The following SPAG16 variants were observed in gnomAD, a reference collection of about 807,000 sequenced individuals.
The protein encoded by SPAG16 is sperm-associated antigen 16 protein.
In SPAG16, 86 loss-of-function variants were observed where a neutral mutation model predicts 80.4. That is an observed-to-expected ratio of 1.07 (90% confidence interval 0.90 to 1.28). SPAG16 has a LOEUF of 1.28. Among genes scored for constraint, SPAG16 ranks in the 50% most tolerant of loss-of-function variants. The pLI is 0.00. For missense variants in SPAG16, 870 were observed against 765.3 expected, an observed-to-expected ratio of 1.14 and a Z score of -1.61; for synonymous variants, 294 against 265.9, an observed-to-expected ratio of 1.11 and a Z score of -1.03.
At chr2:213,769,966 G>A (rs1323845007) in intron 10 of SPAG16, among the ~76,000 whole-genome samples, 2 of 152,120 alleles carry the variant, frequency 1.3e-5, no homozygotes, top group African/African-American at 2.4e-5. Context: ...TAATTTTGCA[G>A]GTTCTAAAAC....
At chr2:213,947,017 G>A (rs537697477) in intron 12 of SPAG16, among the ~76,000 whole-genome samples, 21 of 151,686 alleles carry the variant, frequency 1.4e-4, no homozygotes, top group African/African-American at 5.1e-4. Flanking sequence ...TCAACTATTG[G>A]GTGTATCAAT....
intron 13 of SPAG16, among the ~76,000 whole-genome samples, chr2:214,103,904 T>A (rs2053226713): frequency 6.6e-6 from 1 of 151,842 alleles, no homozygotes; most frequent in Non-Finnish European, 1.5e-5. Flanking sequence ...ATTTTCTTTC[T>A]TCCCTCTGGG....
intron 12 of SPAG16, among the ~76,000 whole-genome samples, chr2:213,971,580 A>T (rs752040760): frequency 2.0e-5 from 3 of 152,176 alleles, no homozygotes; most frequent in Non-Finnish European, 4.4e-5. Context: ...TTATGCAACC[A>T]TTACCAGAAT....
intron 10 of SPAG16, among the ~76,000 whole-genome samples, chr2:213,701,167 G>T (rs929688539): frequency 3.3e-5 from 5 of 152,180 alleles, no homozygotes; most frequent in African/African-American, 1.2e-4. Context: ...TTGAACCCAA[G>T]AGGCAGAGGC....
intron 11 of SPAG16, among the ~76,000 whole-genome samples, chr2:213,912,832 A>G (rs890929165): frequency 2.0e-5 from 3 of 152,158 alleles, no homozygotes; most frequent in South Asian, 2.1e-4. Flanking sequence ...ATCATAAACA[A>G]TACCCCCAAA....
chr2:213,864,818 T>C (rs1293434571), intron 11 of SPAG16, among the ~76,000 whole-genome samples: 2 of 152,000 alleles, frequency 1.3e-5, no homozygotes, highest in Non-Finnish European at 2.9e-5. Flanking sequence ...CTGACCCCAA[T>C]CAATCTTCTT....
In SPAG16 at chr2:213,804,544, G is replaced by C. The variant is rs191531650; in HGVS notation, c.1071-57941G>C. On this transcript the variant is annotated intron_variant, in intron 10 of 15. Transcript: ENST00000331683. ...TAAAAATACAAAAAATTAGTTGGGC[G>C]TGGTGGCAGGCGCCTGTAGTCCCAG... Among the ~76,000 whole-genome samples the C allele has an allele frequency of 2.7e-3, 415 of 152,216 alleles. 3 individuals carry two copies. Among genetic ancestry groups the C allele is most frequent in the Non-Finnish European group, 4.7e-3 (321 of 67,996 alleles).
chr2:213,782,633 CACA>C (rs760125512), intron 10 of SPAG16, among the ~76,000 whole-genome samples: 2 of 152,136 alleles, frequency 1.3e-5, no homozygotes, highest in East Asian at 1.9e-4. Flanking sequence ...TTGAAAGCTT[CACA>C]ACAACCCAAA....
intron 9 of SPAG16, among the ~76,000 whole-genome samples, chr2:213,448,228 T>C (rs996857583): frequency 2.0e-5 from 3 of 152,246 alleles, no homozygotes; most frequent in African/African-American, 7.2e-5. Flanking sequence ...ATACTTCTGA[T>C]TTCTCTATCA....
chr2:213,612,046 T>A (rs899805337), intron 10 of SPAG16, among the ~76,000 whole-genome samples: 1 of 152,192 alleles, frequency 6.6e-6, no homozygotes, highest in Admixed American at 6.5e-5. Flanking sequence ...CAGTGACTTT[T>A]TTATTGATCT....
At chr2:214,069,699 C>G (rs2125219320) in intron 13 of SPAG16, among the ~76,000 whole-genome samples, 1 of 152,146 alleles carries the variant, frequency 6.6e-6, no homozygotes, top group East Asian at 1.9e-4. Flanking sequence ...TCCCTTCTGT[C>G]ACCTTTTTTT....
chr2:213,908,344 C>T (rs1156434059), intron 11 of SPAG16, among the ~76,000 whole-genome samples: 3 of 152,164 alleles, frequency 2.0e-5, no homozygotes, highest in Non-Finnish European at 4.4e-5. Flanking sequence ...TCCACCTGCC[C>T]TGTTTGGGGC....
At chr2:213,719,496 C>T (rs535272679) in intron 10 of SPAG16, among the ~76,000 whole-genome samples, 33 of 152,322 alleles carry the variant, frequency 2.2e-4, no homozygotes, top group Non-Finnish European at 3.1e-4. Context: ...ATTGTAAACA[C>T]ACCAATCAGC....
At chr2:213,750,008 C>A (rs995607782) in intron 10 of SPAG16, among the ~76,000 whole-genome samples, 2 of 152,172 alleles carry the variant, frequency 1.3e-5, no homozygotes, top group Non-Finnish European at 2.9e-5. Flanking sequence ...TGCATTGTAT[C>A]CCGAGGCCCA....
At chr2:213,935,654 C>T (rs1256049054) in intron 12 of SPAG16, among the ~76,000 whole-genome samples, 1 of 152,146 alleles carries the variant, frequency 6.6e-6, no homozygotes, top group Non-Finnish European at 1.5e-5. Context: ...ATGAGGATTT[C>T]ACTGAAATAA....
At chr2:214,097,688 T>A (rs1456082653) in intron 13 of SPAG16, among the ~76,000 whole-genome samples, 1 of 151,996 alleles carries the variant, frequency 6.6e-6, no homozygotes, top group Non-Finnish European at 1.5e-5. Flanking sequence ...TGTGTGTGCA[T>A]TAGTTTAAAA....
At chr2:214,165,101 T>C (rs1293876702) in intron 15 of SPAG16, among the ~76,000 whole-genome samples, 5 of 152,158 alleles carry the variant, frequency 3.3e-5, no homozygotes, top group Admixed American at 6.6e-5. Flanking sequence ...TAGAAGTGTT[T>C]AATTTTTAGT....
intron 9 of SPAG16, chr2:213,375,368 T>C (rs936056345): frequency 3.1e-6 from 1 of 323,174 alleles, no homozygotes; most frequent in Non-Finnish European, 5.7e-6. Flanking sequence ...AACATAATCA[T>C]GATCATGTCT....
chr2:213,670,491 GA>G, intron 10 of SPAG16, among the ~76,000 whole-genome samples: 1 of 151,272 alleles, frequency 6.6e-6, no homozygotes, highest in Non-Finnish European at 1.5e-5. Context: ...ATTTTTTAAA[GA>G]AATCACTTAT....
Sources: gnomAD v4.1 joint callset for allele counts (sites outside exome capture counted in the v4.1 genomes callset) on GRCh38, gnomAD v4.1.1 for gene constraint, MANE v1.5 for transcripts, NCBI Gene and HGNC (gene_info 2026-07-23, HGNC 2026-07-21) for gene names.